GRID2: variants seen among roughly 807,000 people sequenced by gnomAD.
GRID2 encodes glutamate receptor ionotropic, delta-2.
A neutral mutation model predicts 114.8 loss-of-function variants in GRID2; 33 were observed. The observed-to-expected ratio is 0.29, with a 90% CI of 0.22 to 0.38. GRID2 has a LOEUF of 0.38. Ranked by LOEUF, GRID2 falls within the 10% of genes least tolerant of loss-of-function variation. The pLI, the probability that GRID2 is intolerant of heterozygous loss-of-function variation, is 1.00. For missense variants in GRID2, 1,184 were observed against 1,257.7 expected (o/e 0.94, Z 0.89); for synonymous variants, 505 against 449.9 (o/e 1.12, Z -1.55).
intron 14 of GRID2, among the ~76,000 whole-genome samples, chr4:93,767,661 C>G (rs1340443583): frequency 2.0e-5 from 3 of 152,102 alleles, no homozygotes; most frequent in African/African-American, 7.2e-5. Context: ...TAGTTTAACT[C>G]AGATTAAACA....
At chr4:93,530,464 G>T (rs573304533) in intron 13 of GRID2, among the ~76,000 whole-genome samples, 164 of 152,160 alleles carry the variant, frequency 1.1e-3, no homozygotes, top group African/African-American at 3.0e-3. Context: ...ACTCTGCAAT[G>T]TTCTTACATA....
intron 2 of GRID2, among the ~76,000 whole-genome samples, chr4:92,774,147 G>A (rs959928146): frequency 3.9e-5 from 6 of 152,094 alleles, no homozygotes; most frequent in Non-Finnish European, 8.8e-5. Context: ...GCAGAAGGTG[G>A]AAGTAAGAGT....
intron 1 of GRID2, among the ~76,000 whole-genome samples, chr4:92,464,049 ATTC>A (rs1442788482): frequency 1.2e-4 from 18 of 151,730 alleles, no homozygotes; most frequent in African/African-American, 4.1e-4. Flanking sequence ...ATCCTACCCT[ATTC>A]TTCTCAAACA....
chr4:93,272,471 T>G (rs1751567779), intron 8 of GRID2, among the ~76,000 whole-genome samples: 1 of 152,132 alleles, frequency 6.6e-6, no homozygotes. Flanking sequence ...GCTGGAGCAG[T>G]GAGCAAAGAA....
intron 2 of GRID2, among the ~76,000 whole-genome samples, chr4:92,951,543 A>G (rs1280002751): frequency 6.6e-6 from 1 of 151,950 alleles, no homozygotes; most frequent in Non-Finnish European, 1.5e-5. Flanking sequence ...GGGTTTCAAC[A>G]TGTTGCCCAG....
At chr4:93,095,184 G>C (rs1372369291) in intron 3 of GRID2, among the ~76,000 whole-genome samples, 1 of 151,798 alleles carries the variant, frequency 6.6e-6, no homozygotes, top group Non-Finnish European at 1.5e-5. Context: ...GTGCAGGTTT[G>C]TTACATAGGT....
chr4:93,106,984 A>G (rs1056640333), intron 3 of GRID2, among the ~76,000 whole-genome samples: 2 of 152,208 alleles, frequency 1.3e-5, no homozygotes, highest in African/African-American at 4.8e-5. Flanking sequence ...TTGCAAAATC[A>G]ATCTTTGAAG....
intron 1 of GRID2, among the ~76,000 whole-genome samples, chr4:92,544,905 G>A (rs941564476): frequency 6.6e-6 from 1 of 151,836 alleles, no homozygotes; most frequent in Non-Finnish European, 1.5e-5. Flanking sequence ...TCAATGACAG[G>A]GATTTATTTA....
chr4:92,519,953 T>C (rs918537436), intron 1 of GRID2, among the ~76,000 whole-genome samples: 3 of 151,920 alleles, frequency 2.0e-5, no homozygotes, highest in Non-Finnish European at 2.9e-5. Context: ...CCGATTCAAA[T>C]GTTAATCTCA....
At chr4:93,273,146 A>G (rs573327991) in intron 8 of GRID2, among the ~76,000 whole-genome samples, 1 of 152,148 alleles carries the variant, frequency 6.6e-6, no homozygotes, top group Admixed American at 6.6e-5. Flanking sequence ...CATTTTTCTC[A>G]CTAGACTCTA....
At chr4:93,571,374 T>C (rs1034838934) in intron 13 of GRID2, among the ~76,000 whole-genome samples, 1 of 152,128 alleles carries the variant, frequency 6.6e-6, no homozygotes, top group Admixed American at 6.6e-5. Flanking sequence ...ATTGTGCATA[T>C]TATTACATAA....
At chr4:92,964,439 G>A (rs575805597) in intron 2 of GRID2, among the ~76,000 whole-genome samples, 1 of 151,932 alleles carries the variant, frequency 6.6e-6, no homozygotes, top group African/African-American at 2.4e-5. Flanking sequence ...GTACATGGGG[G>A]TTAAAGCCTA....
intron 2 of GRID2, among the ~76,000 whole-genome samples, chr4:92,855,257 T>C (rs908488701): frequency 9.9e-5 from 15 of 152,062 alleles, no homozygotes; most frequent in Non-Finnish European, 2.1e-4. Context: ...TCTACCTCTG[T>C]ATGTCACTTT....
chr4:93,088,991 C>G (rs762670196), intron 3 of GRID2, among the ~76,000 whole-genome samples: 5 of 152,050 alleles, frequency 3.3e-5, no homozygotes, highest in Admixed American at 1.3e-4. Context: ...AGCCTCTGTT[C>G]TAAGTGTTTT....
At chr4:93,617,009 A>T (rs1308617504) in intron 13 of GRID2, among the ~76,000 whole-genome samples, 1 of 152,062 alleles carries the variant, frequency 6.6e-6, no homozygotes, top group Non-Finnish European at 1.5e-5. Context: ...AAAAAAATTC[A>T]TAAAAATCAA....
chr4:93,217,354 G>A (rs1185940921), intron 6 of GRID2: 2 of 155,060 alleles, frequency 1.3e-5, no homozygotes, highest in Non-Finnish European at 2.9e-5. Flanking sequence ...AAAAAGTGCT[G>A]TAGAATTGTA....
intron 2 of GRID2, among the ~76,000 whole-genome samples, chr4:92,892,005 AACAGAC>A (rs1746820683): frequency 6.6e-6 from 1 of 152,128 alleles, no homozygotes; most frequent in South Asian, 2.1e-4. Flanking sequence ...AGTATCTCTA[AACAGAC>A]ACATATTTAA....
chr4:92,391,075 G>A (rs1034007933), intron 1 of GRID2, among the ~76,000 whole-genome samples: 4 of 152,068 alleles, frequency 2.6e-5, no homozygotes, highest in Admixed American at 6.6e-5. Flanking sequence ...TATAATTTGC[G>A]AATTCATAAA....
chr4:92,541,887 A>G (rs1405307224), intron 1 of GRID2, among the ~76,000 whole-genome samples: 1 of 152,138 alleles, frequency 6.6e-6, no homozygotes, highest in Non-Finnish European at 1.5e-5. Flanking sequence ...TTTTTTTTAA[A>G]TAGGTGAAAC....
Sources: gnomAD v4.1 joint callset for allele counts (sites outside exome capture counted in the v4.1 genomes callset) on GRCh38, gnomAD v4.1.1 for gene constraint, MANE v1.5 for transcripts, NCBI Gene and HGNC (gene_info 2026-07-23, HGNC 2026-07-21) for gene names.